Variants in CTNNA3 observed in about 807,000 individuals in gnomAD.
CTNNA3 encodes the protein catenin alpha-3.
In CTNNA3, 76 loss-of-function variants were observed where a neutral mutation model predicts 95.7. The ratio of observed to expected loss-of-function variants is 0.79; its 90% CI spans 0.66 to 0.96. The LOEUF is 0.96. Among genes scored for constraint, CTNNA3 ranks in the 40% least tolerant of loss-of-function variants. The pLI, the probability that CTNNA3 is intolerant of heterozygous loss-of-function variation, is 0.00. For missense variants in CTNNA3, 1,191 were observed against 1,089.8 expected, an observed-to-expected ratio of 1.09 and a Z score of -1.31; for synonymous variants, 431 against 374.4, an observed-to-expected ratio of 1.15 and a Z score of -1.74.
chr10:67,762,919 C>G (rs1393911403), intron 1 of CTNNA3, among the ~76,000 whole-genome samples: 2 of 152,136 alleles, frequency 1.3e-5, no homozygotes, highest in African/African-American at 2.4e-5. Context: ...TCACGACCCT[C>G]TCACGCGGAC....
intron 10 of CTNNA3, among the ~76,000 whole-genome samples, chr10:66,553,440 C>CTT (rs35849546): frequency 2.4e-3 from 330 of 139,642 alleles, no homozygotes; most frequent in African/African-American, 4.5e-3. Context: ...TGAAGCATAT[C>CTT]TTTTTTTTTT....
At chr10:67,149,964 ATT>A (rs1474362773) in intron 7 of CTNNA3, among the ~76,000 whole-genome samples, 1 of 152,182 alleles carries the variant, frequency 6.6e-6, no homozygotes, top group Non-Finnish European at 1.5e-5. Context: ...CTATTCAGAA[ATT>A]TTACAAATCA....
chr10:66,645,248 A>G (rs1288562122), intron 9 of CTNNA3, among the ~76,000 whole-genome samples: 1 of 152,104 alleles, frequency 6.6e-6, no homozygotes, highest in Admixed American at 6.5e-5. Flanking sequence ...TTCACACTTC[A>G]TGATTGTGGT....
chr10:66,221,805 A>G lies in CTNNA3; in HGVS notation c.1884+58665T>C, dbSNP rs566895066. Among the ~76,000 whole-genome samples, 4 of 152,172 alleles carry G rather than the reference A, an allele frequency of 2.6e-5. No individual in the cohort carries two copies. In the East Asian group the frequency reaches 5.8e-4, roughly 22 times the overall value. On this transcript the variant is annotated intron_variant, in intron 13 of 17. Transcript: ENST00000433211. ...AATGTAACATGCTGGGAGCGGGGGAATCTCATGTCATGTTTAGTGTGTGTA... is the reference window on the plus strand; with the variant it reads ...AATGTAACATGCTGGGAGCGGGGGAGTCTCATGTCATGTTTAGTGTGTGTA...
chr10:67,000,987 G>C (rs1450291016), intron 7 of CTNNA3, among the ~76,000 whole-genome samples: 1 of 152,024 alleles, frequency 6.6e-6, no homozygotes, highest in African/African-American at 2.4e-5. Context: ...AAATAGGAAG[G>C]AATAGTCCAA....
intron 11 of CTNNA3, among the ~76,000 whole-genome samples, chr10:66,516,135 C>G (rs558113684): frequency 8.1e-5 from 12 of 148,806 alleles, no homozygotes; most frequent in African/African-American, 3.0e-4. Context: ...TAGGCTGGTA[C>G]AAAAAAGATC....
At chr10:67,383,633 C>G (rs979767303) in intron 5 of CTNNA3, among the ~76,000 whole-genome samples, 1 of 148,844 alleles carries the variant, frequency 6.7e-6, no homozygotes, top group African/African-American at 2.4e-5. Context: ...TTACAGTCCA[C>G]TTTACCTCAC....
chr10:67,509,379 C>T (rs1029073012), intron 5 of CTNNA3, among the ~76,000 whole-genome samples: 9 of 152,032 alleles, frequency 5.9e-5, no homozygotes, highest in African/African-American at 2.2e-4. Flanking sequence ...GTGTGATGTT[C>T]CCTGCCCTGT....
intron 5 of CTNNA3, among the ~76,000 whole-genome samples, chr10:67,457,721 C>G (rs1015961572): frequency 1.3e-5 from 2 of 152,104 alleles, no homozygotes; most frequent in African/African-American, 4.8e-5. Flanking sequence ...TCTGCCTTTT[C>G]CAGCTTCAGC....
At chr10:67,396,878 C>T (rs771794112) in intron 5 of CTNNA3, among the ~76,000 whole-genome samples, 2 of 152,044 alleles carry the variant, frequency 1.3e-5, no homozygotes, top group African/African-American at 2.4e-5. Flanking sequence ...GGCTTTCCCC[C>T]GTTTTGATTG....
At position 67,305,275 on chromosome 10, in the gene CTNNA3, T is replaced by G. The variant is rs192686988; in HGVS notation, c.580-85405A>C. On this transcript the variant is annotated intron_variant, in intron 5 of 17. Coordinates refer to ENST00000433211, the MANE Select transcript of CTNNA3 (RefSeq NM_013266.4). ...TGGGTGACAGAGCGAGACTCCACGT[T>G]AGTGGGTGCAGCGCACCAGCATGGC... is the stretch of plus-strand genomic sequence containing the variant. 3.6e-3 allele frequency among the ~76,000 whole-genome samples: 543 copies of G among 151,354 alleles called. 5 individuals carry two copies. Among genetic ancestry groups the G allele is most frequent in the African/African-American group, 0.012 (500 of 41,222 alleles).
intron 12 of CTNNA3, among the ~76,000 whole-genome samples, chr10:66,328,919 T>TATATATATAC (rs1554935041): frequency 1.0e-3 from 126 of 122,596 alleles, no homozygotes; most frequent in African/African-American, 3.6e-3. Flanking sequence ...TACATATATA[T>TATATATATAC]ATATATATAT....
At chr10:67,359,079 T>A (rs1278124155) in intron 5 of CTNNA3, among the ~76,000 whole-genome samples, 1 of 151,998 alleles carries the variant, frequency 6.6e-6, no homozygotes, top group Non-Finnish European at 1.5e-5. Flanking sequence ...ATGCATCACC[T>A]GTGAAACCCA....
intron 7 of CTNNA3, among the ~76,000 whole-genome samples, chr10:67,039,172 TAAC>T (rs946590470): frequency 2.6e-5 from 4 of 152,090 alleles, no homozygotes; most frequent in Non-Finnish European, 4.4e-5. Flanking sequence ...TTACCATACT[TAAC>T]ATTATAACCA....
chr10:66,617,431 A>G (rs1056432526), intron 10 of CTNNA3, among the ~76,000 whole-genome samples: 2 of 152,166 alleles, frequency 1.3e-5, no homozygotes, highest in Non-Finnish European at 2.9e-5. Context: ...AATGTAATCC[A>G]GCATATAAAC....
chr10:66,954,173 T>C (rs2132734686), intron 7 of CTNNA3, among the ~76,000 whole-genome samples: 3 of 152,316 alleles, frequency 2.0e-5, no homozygotes, highest in Admixed American at 2.0e-4. Context: ...GTTTCTAGTA[T>C]GAAATTTGAA....
chr10:67,449,373 G>A (rs1321069919), intron 5 of CTNNA3, among the ~76,000 whole-genome samples: 5 of 151,890 alleles, frequency 3.3e-5, no homozygotes, highest in South Asian at 2.1e-4. Context: ...CCAAATAGCC[G>A]AGGCAATGCT....
intron 10 of CTNNA3, among the ~76,000 whole-genome samples, chr10:66,591,756 T>C (rs139660522): frequency 1.3e-5 from 2 of 152,266 alleles, no homozygotes; most frequent in African/African-American, 2.4e-5. Context: ...TTTTTTGCTC[T>C]ATACTTTGTT....
At chr10:66,814,592 T>C (rs905028069) in intron 7 of CTNNA3, among the ~76,000 whole-genome samples, 1 of 151,986 alleles carries the variant, frequency 6.6e-6, no homozygotes, top group Non-Finnish European at 1.5e-5. Flanking sequence ...CAAAACCTTG[T>C]CTCTACTAAA....
Sources: gnomAD v4.1 joint callset for allele counts (sites outside exome capture counted in the v4.1 genomes callset) on GRCh38, gnomAD v4.1.1 for gene constraint, MANE v1.5 for transcripts, NCBI Gene and HGNC (gene_info 2026-07-23, HGNC 2026-07-21) for gene names.